The following MACROD2 variants were observed in gnomAD, a reference collection of about 807,000 sequenced individuals.
MACROD2 encodes the protein mono-ADP ribosylhydrolase 2.
A neutral mutation model predicts 70.4 loss-of-function variants in MACROD2; 36 were observed. The ratio of observed to expected loss-of-function variants is 0.51; its 90% CI spans 0.39 to 0.68. The LOEUF (loss-of-function observed/expected upper bound fraction) is 0.68. Ranked by LOEUF, MACROD2 falls within the 30% of genes least tolerant of loss-of-function variation. The pLI, the probability that MACROD2 is intolerant of heterozygous loss-of-function variation, is 0.00. For synonymous variants in MACROD2, 172 were observed against 178.8 expected, an observed-to-expected ratio of 0.96 and a Z score of 0.30; for missense variants, 496 against 538.4, an observed-to-expected ratio of 0.92 and a Z score of 0.78.
chr20:14,064,032 G>C lies in MACROD2; in HGVS notation c.164-21589G>C, dbSNP rs760472801. On this transcript the variant is annotated intron_variant, in intron 2 of 17. Transcript: ENST00000684519. The stretch of plus-strand genomic sequence containing the variant: ...AAGAGCCACTGAGCCTGTCCTGTCC[G>C]AAGCATTTTGAATAAGGGATACTCA... Among the ~76,000 whole-genome samples, 3 of 152,092 alleles carry C rather than the reference G, an allele frequency of 2.0e-5. 1 individual carries two copies. The South Asian group carries it at 6.2e-4, about 31-fold the overall frequency.
chr20:15,871,870 T>A (rs965503094), intron 9 of MACROD2, among the ~76,000 whole-genome samples: 25 of 152,142 alleles, frequency 1.6e-4, no homozygotes, highest in Admixed American at 4.6e-4. Context: ...GGTTGAGAAA[T>A]AGGATAGATT....
chr20:15,171,379 C>T (rs2076421060), intron 5 of MACROD2, among the ~76,000 whole-genome samples: 1 of 151,348 alleles, frequency 6.6e-6, no homozygotes, highest in African/African-American at 2.4e-5. Flanking sequence ...CTTCCCCCAC[C>T]TTTCTCCTTG....
intron 6 of MACROD2, among the ~76,000 whole-genome samples, chr20:15,270,343 T>C (rs905447879): frequency 6.6e-6 from 1 of 152,144 alleles, no homozygotes; most frequent in African/African-American, 2.4e-5. Context: ...TTTGAAGGTA[T>C]TATGCAGAAT....
At chr20:15,719,150 T>C (rs2050748560) in intron 8 of MACROD2, among the ~76,000 whole-genome samples, 1 of 152,224 alleles carries the variant, frequency 6.6e-6, no homozygotes, top group Non-Finnish European at 1.5e-5. Flanking sequence ...AAAAGCTATA[T>C]TTATTTCTTG....
At position 14,728,916 on chromosome 20, in the gene MACROD2, A is replaced by G. The variant is rs552657234; in HGVS notation, c.418+43957A>G. Among the ~76,000 whole-genome samples the G allele has an allele frequency of 3.9e-5, 6 of 152,294 alleles. No individual in the cohort carries two copies. In the South Asian group the frequency reaches 1.2e-3, roughly 32 times the overall value. The stretch of plus-strand genomic sequence containing the variant: ...TCCAAGAGATATTAAAATAAACATT[A>G]TGGTTAGATAGAGTAAATTCTAAAA... On this transcript the variant is annotated intron_variant, in intron 5 of 17. Coordinates refer to ENST00000684519, the MANE Select transcript of MACROD2 (RefSeq NM_001351661.2).
At chr20:15,998,469 A>G (rs1345582460) in intron 15 of MACROD2, among the ~76,000 whole-genome samples, 1 of 151,812 alleles carries the variant, frequency 6.6e-6, no homozygotes, top group Non-Finnish European at 1.5e-5. Flanking sequence ...TTGGCATATA[A>G]TTGTTCATAG....
chr20:15,319,701 C>T lies in MACROD2; in HGVS notation c.540+89640C>T, dbSNP rs140929512. Reference sequence around the variant, plus strand: ...TCAATACATGTGCATTGAAGCACTACGCACAATAGCCAAACTGTGGAAATG... The same window carrying T: ...TCAATACATGTGCATTGAAGCACTATGCACAATAGCCAAACTGTGGAAATG... On this transcript the variant is annotated intron_variant, in intron 6 of 17. Transcript: ENST00000684519. Among the ~76,000 whole-genome samples, 432 of 152,240 alleles carry T rather than the reference C, an allele frequency of 2.8e-3. 2 individuals carry two copies. The highest frequency in any genetic ancestry group is 4.8e-3 in the Non-Finnish European group (327 of 68,026).
At chr20:14,971,347 G>T (rs1361467816) in intron 5 of MACROD2, among the ~76,000 whole-genome samples, 1 of 151,900 alleles carries the variant, frequency 6.6e-6, no homozygotes, top group African/African-American at 2.4e-5. Flanking sequence ...TGAAATCCAT[G>T]GATATGGAGG....
intron 3 of MACROD2, among the ~76,000 whole-genome samples, chr20:14,336,449 C>A (rs989945666): frequency 6.6e-6 from 1 of 152,056 alleles, no homozygotes; most frequent in African/African-American, 2.4e-5. Flanking sequence ...TGTTTCAGAC[C>A]TAATTCAGTG....
At chr20:14,411,485 C>T (rs562186402) in intron 3 of MACROD2, among the ~76,000 whole-genome samples, 2 of 152,154 alleles carry the variant, frequency 1.3e-5, no homozygotes, top group Admixed American at 1.3e-4. Flanking sequence ...GCATTACTCC[C>T]ATAATGCTGT....
chr20:14,407,426 A>G (rs1256824153), intron 3 of MACROD2, among the ~76,000 whole-genome samples: 1 of 151,582 alleles, frequency 6.6e-6, no homozygotes, highest in Non-Finnish European at 1.5e-5. Flanking sequence ...CCCACTCTCT[A>G]TCTTTTTTGA....
At chr20:14,402,722 G>T (rs945450970) in intron 3 of MACROD2, among the ~76,000 whole-genome samples, 24 of 152,120 alleles carry the variant, frequency 1.6e-4, no homozygotes, top group African/African-American at 5.8e-4. Flanking sequence ...TGCCTAATAG[G>T]ATCTTAGTGA....
chr20:14,423,474 C>T (rs1487811040), intron 3 of MACROD2, among the ~76,000 whole-genome samples: 3 of 151,088 alleles, frequency 2.0e-5, no homozygotes, highest in African/African-American at 4.9e-5. Context: ...CCGAGGGGGG[C>T]GGATCACGAG....
intron 8 of MACROD2, among the ~76,000 whole-genome samples, chr20:15,719,927 T>C (rs544481053): frequency 6.6e-6 from 1 of 152,260 alleles, no homozygotes; most frequent in East Asian, 1.9e-4. Flanking sequence ...TTTGTACCCA[T>C]TGACCATCCT....
At chr20:15,164,818 T>C (rs890399497) in intron 5 of MACROD2, among the ~76,000 whole-genome samples, 3 of 152,122 alleles carry the variant, frequency 2.0e-5, no homozygotes, top group African/African-American at 7.2e-5. Context: ...GGAGGATCAC[T>C]TGGTCCCAAG....
At chr20:15,999,397 A>G (rs2066678814) in intron 15 of MACROD2, among the ~76,000 whole-genome samples, 1 of 152,202 alleles carries the variant, frequency 6.6e-6, no homozygotes, top group Non-Finnish European at 1.5e-5. Context: ...GGCCTAACAT[A>G]TGATCTATCC....
At chr20:15,578,544 G>A (rs79043827) in intron 8 of MACROD2, among the ~76,000 whole-genome samples, 1,712 of 23,994 alleles carry the variant, frequency 0.071, 31 homozygotes, top group East Asian at 0.13. Flanking sequence ...CAAACTAAAT[G>A]CCATATGCCA....
Position 14,268,330 on chromosome 20 carries a change from A to G in MACROD2, c.271+182602A>G, listed in dbSNP as rs183235073. On this transcript the variant is annotated intron_variant, in intron 3 of 17. Transcript: ENST00000684519. ...AGTTGTGTCAAAAATGTTATTTTCC[A>G]TTGGATTTACTTGAATTGGTATCCA... is the stretch of plus-strand genomic sequence containing the variant. 5.8e-3 allele frequency among the ~76,000 whole-genome samples: 877 copies of G among 152,244 alleles called. 6 individuals are homozygous for G. Among genetic ancestry groups the G allele is most frequent in the Non-Finnish European group, 9.3e-3 (632 of 67,956 alleles).
intron 5 of MACROD2, among the ~76,000 whole-genome samples, chr20:14,999,016 A>G (rs2074972629): frequency 6.6e-6 from 1 of 152,220 alleles, no homozygotes; most frequent in African/African-American, 2.4e-5. Context: ...CTTTTATCCT[A>G]GAATAGTAAG....
Sources: allele counts gnomAD v4.1 joint callset (sites outside exome capture counted in the v4.1 genomes callset), GRCh38; gene constraint gnomAD v4.1.1; transcripts MANE v1.5; gene names NCBI Gene and HGNC (gene_info 2026-07-23, HGNC 2026-07-21).